STK3: variants seen among roughly 807,000 people sequenced by gnomAD.
The protein encoded by STK3 is serine/threonine kinase 3, also known as serine/threonine-protein kinase 3.
STK3 carries 41 observed loss-of-function variants against 58.0 expected under a neutral mutation model. That is an observed-to-expected ratio of 0.71 (90% CI 0.55 to 0.92). The LOEUF is 0.92. Among genes scored for constraint, STK3 ranks in the 40% least tolerant of loss-of-function variants. STK3 has a pLI of 0.00. For synonymous variants in STK3, 170 were observed against 191.0 expected (o/e 0.89, Z 0.91); for missense variants, 479 against 602.7 (o/e 0.79, Z 2.15).
intron 10 of STK3, among the ~76,000 whole-genome samples, chr8:98,517,541 A>G (rs1359681415): frequency 2.0e-5 from 3 of 152,138 alleles, no homozygotes; most frequent in Admixed American, 2.0e-4. Flanking sequence ...AGTCAGTTAT[A>G]GAAAGATTTC....
At chr8:98,740,983 C>T (rs1019542528) in intron 4 of STK3, among the ~76,000 whole-genome samples, 1 of 152,026 alleles carries the variant, frequency 6.6e-6, no homozygotes, top group African/African-American at 2.4e-5. Flanking sequence ...CAACAAAGAT[C>T]AAAAGAGACA....
intron 8 of STK3, among the ~76,000 whole-genome samples, chr8:98,573,779 C>T (rs146976495): frequency 6.4e-4 from 97 of 152,224 alleles, no homozygotes; most frequent in African/African-American, 2.1e-3. Context: ...TCCATTCTCA[C>T]GCTGCTATAA....
intron 6 of STK3, among the ~76,000 whole-genome samples, chr8:98,658,927 GCTGCATTAACAA>G (rs1821755158): frequency 6.6e-6 from 1 of 152,000 alleles, no homozygotes; most frequent in Non-Finnish European, 1.5e-5. Flanking sequence ...TACAACATGC[GCTGCATTAACAA>G]CTGCATTAAC....
chr8:98,792,642 G>A (rs537794844), intron 1 of STK3, among the ~76,000 whole-genome samples: 3 of 152,230 alleles, frequency 2.0e-5, no homozygotes, highest in Admixed American at 6.5e-5. Flanking sequence ...TGGATGTTGC[G>A]GTGAGCTGAG....
intron 6 of STK3, among the ~76,000 whole-genome samples, chr8:98,644,381 T>G (rs1458576455): frequency 6.6e-6 from 1 of 152,198 alleles, no homozygotes; most frequent in Non-Finnish European, 1.5e-5. Context: ...ACTCACAGAT[T>G]AAAAATTAAA....
chr8:98,397,969 T>C (rs1234684916), downstream of STK3, among the ~76,000 whole-genome samples: 1 of 152,170 alleles, frequency 6.6e-6, no homozygotes, highest in Non-Finnish European at 1.5e-5. Flanking sequence ...TAAACCTCTT[T>C]TCTTCATAAA....
chr8:98,890,562 T>G (rs142965500), intron 1 of STK3, among the ~76,000 whole-genome samples: 1 of 152,240 alleles, frequency 6.6e-6, no homozygotes, highest in East Asian at 1.9e-4. Context: ...AATTAGCCTT[T>G]AAGAAAAATT....
chr8:98,461,514 C>T (rs1819975978), intron 10 of STK3, among the ~76,000 whole-genome samples: 1 of 152,146 alleles, frequency 6.6e-6, no homozygotes. Flanking sequence ...GGTACTGTTC[C>T]AGTCATCACG....
chr8:98,472,157 A>G (rs1049354608), intron 10 of STK3, among the ~76,000 whole-genome samples: 8 of 152,190 alleles, frequency 5.3e-5, no homozygotes, highest in African/African-American at 1.9e-4. Flanking sequence ...GCTAATAAAA[A>G]AATGTGGCCA....
chr8:98,623,449 T>C (rs994194615), intron 6 of STK3, among the ~76,000 whole-genome samples: 93 of 152,074 alleles, frequency 6.1e-4, no homozygotes, highest in African/African-American at 2.2e-3. Context: ...CTTGTGTCCT[T>C]ATAAGAAGAA....
chr8:98,907,097 C>A (rs1476180), intron 1 of STK3, among the ~76,000 whole-genome samples: 145,848 of 152,276 alleles, frequency 0.96, 69,911 homozygotes, highest in East Asian at 1. Flanking sequence ...TTTGGAGGCT[C>A]CAGTGAGCCA....
chr8:98,864,288 C>T (rs1244686510), intron 3 of STK3, among the ~76,000 whole-genome samples: 1 of 141,466 alleles, frequency 7.1e-6, no homozygotes, highest in Non-Finnish European at 1.5e-5. Context: ...CTGTCTAAAA[C>T]ATGGGAGTGA....
At chr8:98,639,595 A>G (rs906703650) in intron 6 of STK3, among the ~76,000 whole-genome samples, 2 of 152,206 alleles carry the variant, frequency 1.3e-5, no homozygotes, top group African/African-American at 4.8e-5. Flanking sequence ...AATAAGCTTC[A>G]TGACTATTAA....
intron 6 of STK3, among the ~76,000 whole-genome samples, chr8:98,597,084 G>A (rs1474743544): frequency 2.6e-5 from 4 of 152,062 alleles, no homozygotes; most frequent in South Asian, 2.1e-4. Flanking sequence ...TTTTGGAGAG[G>A]TGAAAAAAGG....
At chr8:98,903,546 T>C (rs1261271396) in intron 1 of STK3, among the ~76,000 whole-genome samples, 2 of 44,056 alleles carry the variant, frequency 4.5e-5, no homozygotes, top group South Asian at 1.7e-3. Flanking sequence ...TTCTTCTTCT[T>C]CTTCTTCTTC....
chr8:98,491,222 T>C (rs1305064646), intron 10 of STK3, among the ~76,000 whole-genome samples: 7 of 151,254 alleles, frequency 4.6e-5, no homozygotes, highest in Admixed American at 4.6e-4. Context: ...AGAGAAGTAC[T>C]CTTTCTGTTT....
chr8:98,898,133 G>A (rs1001041667), intron 1 of STK3, among the ~76,000 whole-genome samples: 4 of 152,246 alleles, frequency 2.6e-5, no homozygotes, highest in Non-Finnish European at 5.9e-5. Flanking sequence ...GCCTGTGGGA[G>A]TGGAGTTCAT....
intron 6 of STK3, among the ~76,000 whole-genome samples, chr8:98,641,897 C>A (rs1483054987): frequency 1.3e-5 from 2 of 152,166 alleles, no homozygotes; most frequent in African/African-American, 4.8e-5. Flanking sequence ...ATATCTAACT[C>A]TATGTTGTCT....
At chr8:98,590,062 C>T (rs528244518) in intron 7 of STK3, among the ~76,000 whole-genome samples, 9 of 152,338 alleles carry the variant, frequency 5.9e-5, no homozygotes, top group African/African-American at 9.6e-5. Flanking sequence ...CTGTCTTCTG[C>T]GGCGCTCATG....
Sources: gnomAD v4.1 joint callset for allele counts (sites outside exome capture counted in the v4.1 genomes callset) on GRCh38, gnomAD v4.1.1 for gene constraint, MANE v1.5 for transcripts, NCBI Gene and HGNC (gene_info 2026-07-23, HGNC 2026-07-21) for gene names.